PLCB1: variants seen among roughly 807,000 people sequenced by gnomAD.
The protein encoded by PLCB1 is phospholipase C beta 1.
Under a neutral mutation model 161.8 loss-of-function variants are expected in PLCB1, and 46 were observed. The ratio of observed to expected loss-of-function variants is 0.28; its 90% CI spans 0.22 to 0.36. The LOEUF (loss-of-function observed/expected upper bound fraction) is 0.36. Ranked by LOEUF, PLCB1 falls within the 10% of genes least tolerant of loss-of-function variation. PLCB1 has a pLI of 1.00. For synonymous variants in PLCB1, 517 were observed against 503.7 expected (o/e 1.03, Z -0.35); for missense variants, 1,016 against 1,472.5 (o/e 0.69, Z 5.07).
Position 8,730,396 on chromosome 20 carries a change from G to A in PLCB1, c.1888+1222G>A, listed in dbSNP as rs553131734. On this transcript the variant is annotated intron_variant, in intron 18 of 31. Coordinates refer to ENST00000338037, the MANE Select transcript of PLCB1 (RefSeq NM_015192.4). ...GTTAATAGATACAGCCTTTTTCATT[G>A]TTGTTGTTAATTCAGACCCATTTTT... Among the ~76,000 whole-genome samples, 131 of 92,684 alleles carry A rather than the reference G, an allele frequency of 1.4e-3. 3 individuals carry two copies. In the East Asian group the frequency reaches 0.062, roughly 44 times the overall value. The allele number at this position is 92,684 out of a possible 152,430, so 60.8% of individuals were successfully genotyped here.
intron 3 of PLCB1, among the ~76,000 whole-genome samples, chr20:8,516,700 T>TATATAG (rs1984140263): frequency 7.9e-6 from 1 of 127,298 alleles, no homozygotes; most frequent in Non-Finnish European, 1.7e-5. Flanking sequence ...TATATATATA[T>TATATAG]ATATATATAT....
chr20:8,850,672 C>T (rs1164693471), intron 31 of PLCB1, among the ~76,000 whole-genome samples: 2 of 152,150 alleles, frequency 1.3e-5, no homozygotes, highest in Non-Finnish European at 2.9e-5. Flanking sequence ...GCCTGCTTTG[C>T]TCTTTTTGCC....
chr20:8,522,018 T>C (rs1984369264), intron 3 of PLCB1, among the ~76,000 whole-genome samples: 1 of 152,190 alleles, frequency 6.6e-6, no homozygotes. Flanking sequence ...ACACTAAAGC[T>C]GGAAGCTAAA....
At chr20:8,442,004 G>T (rs987661199) in intron 3 of PLCB1, among the ~76,000 whole-genome samples, 3 of 152,014 alleles carry the variant, frequency 2.0e-5, no homozygotes, top group Non-Finnish European at 1.5e-5. Flanking sequence ...ACACACATAC[G>T]CAGAAGACAC....
chr20:8,536,319 G>A (rs1054676128), intron 3 of PLCB1, among the ~76,000 whole-genome samples: 4 of 152,188 alleles, frequency 2.6e-5, no homozygotes, highest in Non-Finnish European at 4.4e-5. Flanking sequence ...CGCCGGATGA[G>A]TTTGTTGTGG....
intron 26 of PLCB1, among the ~76,000 whole-genome samples, chr20:8,768,311 G>A (rs1982471658): frequency 6.6e-6 from 1 of 152,018 alleles, no homozygotes; most frequent in South Asian, 2.1e-4. Flanking sequence ...TTCCTTGGCT[G>A]ACAGACATAT....
chr20:8,198,707 A>G (rs1450724744), intron 2 of PLCB1, among the ~76,000 whole-genome samples: 1 of 152,054 alleles, frequency 6.6e-6, no homozygotes, highest in Non-Finnish European at 1.5e-5. Flanking sequence ...TGCTGCTTCA[A>G]ACTAGATATC....
At chr20:8,399,141 A>T in intron 3 of PLCB1, among the ~76,000 whole-genome samples, 1 of 141,822 alleles carries the variant, frequency 7.1e-6, no homozygotes, top group African/African-American at 2.7e-5. Context: ...AGCATCTTGG[A>T]GGTTTTTTTT....
intron 3 of PLCB1, among the ~76,000 whole-genome samples, chr20:8,616,562 G>T (rs1988044547): frequency 6.6e-6 from 1 of 152,080 alleles, no homozygotes; most frequent in African/African-American, 2.4e-5. Context: ...GCACCACCAG[G>T]GTGTAAGCAT....
At chr20:8,822,954 T>C (rs1985506518) in intron 31 of PLCB1, among the ~76,000 whole-genome samples, 1 of 152,230 alleles carries the variant, frequency 6.6e-6, no homozygotes, top group African/African-American at 2.4e-5. Flanking sequence ...ACGGTGTCTG[T>C]ACTGAACGTG....
At chr20:8,816,674 C>T (rs1291238266) in intron 31 of PLCB1, among the ~76,000 whole-genome samples, 1 of 152,174 alleles carries the variant, frequency 6.6e-6, no homozygotes, top group Non-Finnish European at 1.5e-5. Flanking sequence ...ACATACCAAA[C>T]TTAAACCATG....
chr20:8,139,412 GT>G (rs1374046956), intron 1 of PLCB1, among the ~76,000 whole-genome samples: 1 of 151,768 alleles, frequency 6.6e-6, no homozygotes, highest in Non-Finnish European at 1.5e-5. Context: ...GGCTTTTTTT[GT>G]TTACAATATT....
At chr20:8,817,043 G>A (rs1447868951) in intron 31 of PLCB1, among the ~76,000 whole-genome samples, 1 of 152,110 alleles carries the variant, frequency 6.6e-6, no homozygotes. Flanking sequence ...TTGGTTCTTA[G>A]TAGAATTACA....
At chr20:8,341,538 G>T (rs1355119) in intron 2 of PLCB1, among the ~76,000 whole-genome samples, 21 of 152,032 alleles carry the variant, frequency 1.4e-4, no homozygotes, top group Non-Finnish European at 2.1e-4. Context: ...TTTTCTCTCA[G>T]ATCTTCATGG....
chr20:8,869,186 C>T (rs558275082), intron 31 of PLCB1, among the ~76,000 whole-genome samples: 1 of 135,496 alleles, frequency 7.4e-6, no homozygotes, highest in African/African-American at 2.5e-5. Flanking sequence ...GGGTTATTAT[C>T]TTGATTATTT....
intron 31 of PLCB1, among the ~76,000 whole-genome samples, chr20:8,880,146 C>A (rs890231739): frequency 7.2e-5 from 11 of 152,122 alleles, no homozygotes; most frequent in African/African-American, 2.7e-4. Flanking sequence ...AAAATTGCCT[C>A]CAAGCTAATA....
At chr20:8,274,635 C>G (rs887330636) in intron 2 of PLCB1, among the ~76,000 whole-genome samples, 1 of 152,050 alleles carries the variant, frequency 6.6e-6, no homozygotes, top group African/African-American at 2.4e-5. Flanking sequence ...CATCTTGCTT[C>G]TTCTCTAAAT....
intron 24 of PLCB1, among the ~76,000 whole-genome samples, chr20:8,759,220 A>G (rs962065948): frequency 1.3e-5 from 2 of 152,168 alleles, no homozygotes; most frequent in Admixed American, 1.3e-4. Flanking sequence ...TGACAAGAGC[A>G]CCATGCAAGT....
chr20:8,159,643 AT>A (rs970486988), intron 2 of PLCB1, among the ~76,000 whole-genome samples: 5 of 152,138 alleles, frequency 3.3e-5, no homozygotes, highest in Non-Finnish European at 5.9e-5. Flanking sequence ...ATAAAACTGA[AT>A]ATCTTTAACG....
Sources: allele counts gnomAD v4.1 joint callset (sites outside exome capture counted in the v4.1 genomes callset), GRCh38; gene constraint gnomAD v4.1.1; transcripts MANE v1.5; gene names NCBI Gene and HGNC (gene_info 2026-07-23, HGNC 2026-07-21).